Variants in ZNF423 observed in about 807,000 individuals in gnomAD.
ZNF423 encodes the protein Ebf-associated zinc finger protein.
In ZNF423, 12 loss-of-function variants were observed where a neutral mutation model predicts 95.8. That is an observed-to-expected ratio of 0.13 (90% CI 0.08 to 0.20). ZNF423 has a LOEUF of 0.20. Among genes scored for constraint, ZNF423 ranks in the 10% least tolerant of loss-of-function variants. The probability of loss-of-function intolerance (pLI) is 1.00; values close to 1 mark genes in which losing one functional copy is unlikely to be tolerated. For missense variants in ZNF423, 1,316 were observed against 1,737.1 expected, an observed-to-expected ratio of 0.76 and a Z score of 4.31; for synonymous variants, 749 against 711.9, an observed-to-expected ratio of 1.05 and a Z score of -0.83.
At chr16:49,698,947 G>A (rs1235556734) in intron 3 of ZNF423, among the ~76,000 whole-genome samples, 1 of 152,206 alleles carries the variant, frequency 6.6e-6, no homozygotes, top group East Asian at 1.9e-4. Context: ...GTAATTTTCT[G>A]TTATATTATC....
At position 49,562,584 on chromosome 16, in the gene ZNF423, G is replaced by A. The variant is rs140840062; in HGVS notation, c.3602-37090C>T. ...GATCCACAAAAAGTTGTCTATGATTGATTGTAATGGGTGAGTTCCCCATCA... is the reference window on the plus strand; with the variant it reads ...GATCCACAAAAAGTTGTCTATGATTAATTGTAATGGGTGAGTTCCCCATCA... On this transcript the variant is annotated intron_variant, in intron 5 of 7. Transcript: ENST00000563137. Among the ~76,000 whole-genome samples the A allele has an allele frequency of 1.2e-4, 19 of 152,330 alleles. 1 individual carries two copies. The East Asian group carries it at 3.7e-3, about 29-fold the overall frequency.
chr16:49,501,109 G>A (rs1395783560), intron 7 of ZNF423, among the ~76,000 whole-genome samples: 1 of 152,208 alleles, frequency 6.6e-6, no homozygotes, highest in Non-Finnish European at 1.5e-5. Flanking sequence ...AGATCTGTCT[G>A]CAGTGGGGAG....
At chr16:49,566,338 C>A (rs1323073718) in intron 5 of ZNF423, among the ~76,000 whole-genome samples, 1 of 152,200 alleles carries the variant, frequency 6.6e-6, no homozygotes, top group Non-Finnish European at 1.5e-5. Context: ...GAGCAGCACC[C>A]ATAAAAGTCT....
At chr16:49,725,212 A>C (rs935515772) in intron 3 of ZNF423, among the ~76,000 whole-genome samples, 16 of 152,130 alleles carry the variant, frequency 1.1e-4, no homozygotes, top group African/African-American at 3.9e-4. Flanking sequence ...GCAAGACCTC[A>C]TCCATACAAG....
intron 1 of ZNF423, among the ~76,000 whole-genome samples, chr16:49,851,724 T>C (rs1426775286): frequency 6.6e-6 from 1 of 152,214 alleles, no homozygotes; most frequent in African/African-American, 2.4e-5. Context: ...GTTAACCGTT[T>C]AGCAGGATTC....
intron 2 of ZNF423, among the ~76,000 whole-genome samples, chr16:49,745,093 C>T (rs2033494830): frequency 6.6e-6 from 1 of 151,734 alleles, no homozygotes. Flanking sequence ...AAAGCGGGCT[C>T]TTTGTATCAT....
At chr16:49,669,849 TCA>T (rs1438167476) in intron 3 of ZNF423, among the ~76,000 whole-genome samples, 2 of 152,026 alleles carry the variant, frequency 1.3e-5, no homozygotes, top group Admixed American at 6.5e-5. Flanking sequence ...ACTCCAAGCC[TCA>T]GTTTCCCCTC....
chr16:49,850,504 G>A (rs752919665), intron 1 of ZNF423, among the ~76,000 whole-genome samples: 10 of 152,172 alleles, frequency 6.6e-5, no homozygotes, highest in Admixed American at 1.3e-4. Context: ...TCACAGATAC[G>A]AAGGAACCCT....
chr16:49,835,853 G>A (rs1395289164), intron 1 of ZNF423, among the ~76,000 whole-genome samples: 3 of 152,158 alleles, frequency 2.0e-5, no homozygotes, highest in South Asian at 2.1e-4. Flanking sequence ...CCGGGAAAAC[G>A]GGGCCCAGGA....
At chr16:49,517,846 T>G in intron 7 of ZNF423, 1 of 419,596 alleles carries the variant, frequency 2.4e-6, no homozygotes. Flanking sequence ...TGTTCCCGCT[T>G]TGCTCCAAAA....
intron 2 of ZNF423, among the ~76,000 whole-genome samples, chr16:49,772,451 T>G (rs553395540): frequency 6.6e-6 from 1 of 152,348 alleles, no homozygotes; most frequent in East Asian, 1.9e-4. Context: ...CCAGTCATAT[T>G]GACACAGAAT....
At chr16:49,703,656 G>C (rs1596884740) in intron 3 of ZNF423, among the ~76,000 whole-genome samples, 1 of 152,242 alleles carries the variant, frequency 6.6e-6, no homozygotes. Context: ...CCTAGCAGGG[G>C]AGCCCCATGG....
At chr16:49,644,794 T>C (rs1174544700) in intron 3 of ZNF423, among the ~76,000 whole-genome samples, 3 of 147,272 alleles carry the variant, frequency 2.0e-5, no homozygotes, top group Non-Finnish European at 4.5e-5. Flanking sequence ...CTGTGCTGAA[T>C]ACTGCAGGGT....
At chr16:49,660,062 T>A (rs1285707964) in intron 3 of ZNF423, among the ~76,000 whole-genome samples, 1 of 152,220 alleles carries the variant, frequency 6.6e-6, no homozygotes, top group Non-Finnish European at 1.5e-5. Context: ...CTTTTTTATC[T>A]TCTTCCAAGA....
intron 3 of ZNF423, among the ~76,000 whole-genome samples, chr16:49,641,478 C>A (rs1474954850): frequency 6.6e-6 from 1 of 152,118 alleles, no homozygotes; most frequent in Admixed American, 6.5e-5. Flanking sequence ...TGGCTGGAAC[C>A]CACCCAGCAA....
chr16:49,518,689 C>T, intron 7 of ZNF423: 1 of 356,638 alleles, frequency 2.8e-6, no homozygotes, highest in South Asian at 2.2e-5. Context: ...TACCTTTTTC[C>T]AGAATGTCAT....
At chr16:49,807,347 C>T (rs1597027431) in intron 1 of ZNF423, among the ~76,000 whole-genome samples, 1 of 152,006 alleles carries the variant, frequency 6.6e-6, no homozygotes, top group South Asian at 2.1e-4. Context: ...AGGAGAATGG[C>T]GTGAACCCGG....
At chr16:49,523,889 A>C (rs555698323) in intron 6 of ZNF423, 150 bp from the exon 7 acceptor site, 1 of 646,066 alleles carries the variant, frequency 1.5e-6, no homozygotes, top group Non-Finnish European at 2.7e-6. Context: ...CTTAGCACAT[A>C]CTAGAGGAGG....
intron 3 of ZNF423, among the ~76,000 whole-genome samples, chr16:49,697,531 G>C (rs2151951682): frequency 6.6e-6 from 1 of 151,776 alleles, no homozygotes; most frequent in East Asian, 1.9e-4. Flanking sequence ...CCTGCGTCTC[G>C]TATGCCAGAC....
Sources: gnomAD v4.1 joint callset for allele counts (sites outside exome capture counted in the v4.1 genomes callset) on GRCh38, gnomAD v4.1.1 for gene constraint, MANE v1.5 for transcripts, NCBI Gene and HGNC (gene_info 2026-07-23, HGNC 2026-07-21) for gene names.